Variants in COLEC12 observed in about 807,000 individuals in gnomAD.
COLEC12 encodes the protein collectin-12.
Under a neutral mutation model 71.1 loss-of-function variants are expected in COLEC12, and 33 were observed. The observed-to-expected ratio is 0.46, with a 90% confidence interval of 0.35 to 0.62. COLEC12 has a LOEUF of 0.62. Among genes scored for constraint, COLEC12 ranks in the 20% least tolerant of loss-of-function variants. COLEC12 has a pLI of 0.00. For missense variants in COLEC12, 765 were observed against 916.1 expected, an observed-to-expected ratio of 0.84 and a Z score of 2.13; for synonymous variants, 350 against 353.0, an observed-to-expected ratio of 0.99 and a Z score of 0.10.
At chr18:328,945 C>T (rs1328246468) in intron 8 of COLEC12, among the ~76,000 whole-genome samples, 1 of 152,206 alleles carries the variant, frequency 6.6e-6, no homozygotes, top group Non-Finnish European at 1.5e-5. Flanking sequence ...CTTATTCTTG[C>T]TTTTAAAATT....
intron 2 of COLEC12, among the ~76,000 whole-genome samples, chr18:358,526 A>G (rs1170170721): frequency 6.6e-6 from 1 of 152,198 alleles, no homozygotes; most frequent in Admixed American, 6.5e-5. Context: ...TGCACAGTTC[A>G]CAACAGGATT....
chr18:460,006 CT>C (rs1916946888), intron 2 of COLEC12, among the ~76,000 whole-genome samples: 1 of 151,162 alleles, frequency 6.6e-6, no homozygotes, highest in South Asian at 2.1e-4. Flanking sequence ...GACTGATTAG[CT>C]TGCCGAATTC....
At chr18:389,994 T>C (rs930865408) in intron 2 of COLEC12, among the ~76,000 whole-genome samples, 3 of 152,216 alleles carry the variant, frequency 2.0e-5, no homozygotes, top group Non-Finnish European at 2.9e-5. Flanking sequence ...CTAATTTTTG[T>C]TCTAATCTAA....
intron 2 of COLEC12, among the ~76,000 whole-genome samples, chr18:445,833 T>C (rs1916637064): frequency 6.6e-6 from 1 of 152,120 alleles, no homozygotes; most frequent in Admixed American, 6.5e-5. Flanking sequence ...GGTTTCACCA[T>C]GTTGCCCAGG....
chr18:372,207 C>T (rs757087240), intron 2 of COLEC12, among the ~76,000 whole-genome samples: 4 of 152,066 alleles, frequency 2.6e-5, no homozygotes, highest in African/African-American at 4.8e-5. Context: ...ATTCCCCTCT[C>T]GAAACACAAA....
At chr18:439,113 A>T (rs1916462467) in intron 2 of COLEC12, among the ~76,000 whole-genome samples, 1 of 152,180 alleles carries the variant, frequency 6.6e-6, no homozygotes, top group Admixed American at 6.5e-5. Flanking sequence ...CAGGTAGATG[A>T]GGCAAGTTTC....
intron 2 of COLEC12, among the ~76,000 whole-genome samples, chr18:412,490 AAAAG>A (rs200830358): frequency 0.28 from 35,794 of 128,892 alleles, 4,883 homozygotes; most frequent in South Asian, 0.5. Flanking sequence ...AGAAAAAAAA[AAAAG>A]AAAGAAAGAA....
chr18:342,340 T>C (rs1914274083), intron 5 of COLEC12, among the ~76,000 whole-genome samples: 3 of 152,244 alleles, frequency 2.0e-5, no homozygotes, highest in Admixed American at 2.0e-4. Context: ...AGAGATACTG[T>C]GAACATCTAT....
chr18:323,974 TCA>T (rs1484344451), intron 8 of COLEC12, among the ~76,000 whole-genome samples: 1 of 152,062 alleles, frequency 6.6e-6, no homozygotes, highest in African/African-American at 2.4e-5. Flanking sequence ...TTTTTCCAGG[TCA>T]CTGGAATTCT....
At chr18:432,228 A>G (rs957177650) in intron 2 of COLEC12, among the ~76,000 whole-genome samples, 1 of 152,228 alleles carries the variant, frequency 6.6e-6, no homozygotes, top group Non-Finnish European at 1.5e-5. Context: ...CCAAATATTA[A>G]GTTCTGGTAT....
chr18:408,291 G>T lies in COLEC12; in HGVS notation c.59-50769C>A, dbSNP rs1915827408. On this transcript the variant is annotated intron_variant, in intron 2 of 9. Transcript: ENST00000400256. The surrounding 1 kb of genome is among the most constrained non-coding windows in gnomAD (Gnocchi z 4.3). ...TATTAAAAGGTCAGCACAGTGCCTG[G>T]CCCCTGATACCTGCAAATGTCAGTC... Among the ~76,000 whole-genome samples, 2 of 152,138 alleles carry T rather than the reference G, an allele frequency of 1.3e-5. No individual in the cohort carries two copies. Among genetic ancestry groups the T allele is most frequent in the South Asian group, 4.1e-4 (2 of 4,822 alleles).
chr18:326,354 T>C (rs962402851), intron 8 of COLEC12, among the ~76,000 whole-genome samples: 1 of 152,182 alleles, frequency 6.6e-6, no homozygotes, highest in Non-Finnish European at 1.5e-5. Flanking sequence ...CCTTTTTGTT[T>C]TTGTTTTTTT....
chr18:319,067 T>C lies in COLEC12; in HGVS notation c.*978A>G, dbSNP rs1173940841. On this transcript the variant is annotated 3_prime_UTR_variant, in exon 10 of 10. Coordinates refer to ENST00000400256, the MANE Select transcript of COLEC12 (RefSeq NM_130386.3). ...GGCCTTCCAGATAGGCCAGATTCAG[T>C]GCCCTTCCCAACAGATGCCTCTCCA... 1 of 151,962 alleles carries C rather than the reference T, an allele frequency of 6.6e-6. No homozygotes were observed. The highest frequency in any genetic ancestry group is 1.5e-5 in the Non-Finnish European group (1 of 68,022). 9.4% of individuals were successfully genotyped at this position (151,962 alleles called of 1,614,324 possible).
In COLEC12 at chr18:418,487, A is replaced by G. The variant is rs186495572; in HGVS notation, c.59-60965T>C. Among the ~76,000 whole-genome samples, 232 of 152,354 alleles carry G rather than the reference A, an allele frequency of 1.5e-3. 1 individual carries two copies. The highest frequency in any genetic ancestry group is 5.4e-3 in the African/African-American group (223 of 41,580). Reference sequence around the variant, plus strand: ...ACTCCATCTTAAATAGGAGCTGGGTAAAATGAGGCTGAAACCTACTGGGCT... The same window carrying G: ...ACTCCATCTTAAATAGGAGCTGGGTGAAATGAGGCTGAAACCTACTGGGCT... On this transcript the variant is annotated intron_variant, in intron 2 of 9. Coordinates refer to ENST00000400256, the MANE Select transcript of COLEC12 (RefSeq NM_130386.3).
chr18:498,061 C>T (rs1598384144), intron 1 of COLEC12, among the ~76,000 whole-genome samples: 1 of 152,084 alleles, frequency 6.6e-6, no homozygotes, highest in Non-Finnish European at 1.5e-5. Flanking sequence ...CCAAGCCACA[C>T]GGGGTAACTG....
chr18:457,294 C>A (rs1359755886), intron 2 of COLEC12, among the ~76,000 whole-genome samples: 1 of 152,178 alleles, frequency 6.6e-6, no homozygotes, highest in Non-Finnish European at 1.5e-5. Flanking sequence ...ACAGAGTACC[C>A]AGGCACTGCA....
intron 3 of COLEC12, among the ~76,000 whole-genome samples, chr18:354,042 T>C (rs1158579899): frequency 6.6e-6 from 1 of 152,232 alleles, no homozygotes; most frequent in African/African-American, 2.4e-5. Context: ...CAGATTTCTG[T>C]CTTTTTTCTT....
At chr18:339,101 CT>C (rs1220912781) in intron 5 of COLEC12, among the ~76,000 whole-genome samples, 1 of 151,336 alleles carries the variant, frequency 6.6e-6, no homozygotes. Context: ...GAAAGAGGGA[CT>C]GATCACAGGC....
At chr18:452,533 T>G (rs1482789996) in intron 2 of COLEC12, among the ~76,000 whole-genome samples, 1 of 152,178 alleles carries the variant, frequency 6.6e-6, no homozygotes. Flanking sequence ...TTCCTCCGCC[T>G]CACAACCACC....
Sources: allele counts gnomAD v4.1 joint callset (sites outside exome capture counted in the v4.1 genomes callset), GRCh38; gene constraint gnomAD v4.1.1; non-coding constraint Gnocchi (gnomAD v3.1); transcripts MANE v1.5; gene names NCBI Gene and HGNC (gene_info 2026-07-23, HGNC 2026-07-21).